TCEA2: variants seen among roughly 807,000 people sequenced by gnomAD.
TCEA2 encodes the protein transcription elongation factor A2.
Under a neutral mutation model 40.8 loss-of-function variants are expected in TCEA2, and 21 were observed. That is an observed-to-expected ratio of 0.51 (90% CI 0.36 to 0.74). The LOEUF is 0.74. Among genes scored for constraint, TCEA2 ranks in the 30% least tolerant of loss-of-function variants. The pLI is 0.00. For synonymous variants in TCEA2, 165 were observed against 162.7 expected (o/e 1.01, Z -0.11); for missense variants, 326 against 426.5 (o/e 0.76, Z 2.08).
In TCEA2 at chr20:64,070,126, T is replaced by C; in HGVS notation, c.518-134T>C. ...CAGCCCTTCACCTCTCCACCAGGTG[T>C]GGGTGGGCAGACCGACCCCTGTGTG... On this transcript the variant is annotated intron_variant, in intron 6 of 9. Transcript: ENST00000343484. 3.8e-6 allele frequency: 5 copies of C among 1,326,962 alleles called. No individual in the cohort carries two copies. In the South Asian group the frequency reaches 6.6e-5, roughly 18 times the overall value. The allele number at this position is 1,326,962 out of a possible 1,614,324, so 82.2% of individuals were successfully genotyped here.
At chr20:64,059,925 C>G (rs2059530121), upstream of TCEA2, among the ~76,000 whole-genome samples, 1 of 152,124 alleles carries the variant, frequency 6.6e-6, no homozygotes. Flanking sequence ...AGGGAGAAAT[C>G]AGGTGGGGAG....
intron 4 of TCEA2, among the ~76,000 whole-genome samples, 154 bp downstream of exon 4, chr20:64,068,288 C>G (rs2059743648): frequency 2.0e-5 from 3 of 152,238 alleles, no homozygotes; most frequent in African/African-American, 7.2e-5. Context: ...TGTGGTGTGT[C>G]CCGCCTGCAC....
rs772824336 is a variant in TCEA2 at position 64,069,851 on chromosome 20, G to C, written c.517+30G>C. On this transcript the variant is annotated intron_variant, in intron 6 of 9. Coordinates refer to ENST00000343484, the MANE Select transcript of TCEA2 (RefSeq NM_003195.6). ...CCTTTGGGTAGGGGCTGTGGGCCTG[G>C]GTTTCTGGTGGAGTCAGGAGGCTGC... 4.3e-6 allele frequency: 7 copies of C among 1,609,764 alleles called. No individual in the cohort carries two copies. In the Admixed American group the frequency reaches 1.2e-4, roughly 27 times the overall value.
At chr20:64,061,005 T>C (rs1030183406), upstream of TCEA2, among the ~76,000 whole-genome samples, 16 of 151,044 alleles carry the variant, frequency 1.1e-4, no homozygotes, top group African/African-American at 3.9e-4. Flanking sequence ...TTCACCCTGT[T>C]GCCCAGGCTG....
chr20:64,066,637 C>A (rs2059701179), intron 2 of TCEA2, 99 bp downstream of exon 2: 2 of 1,393,736 alleles, frequency 1.4e-6, no homozygotes, highest in Admixed American at 1.9e-5. Flanking sequence ...ACCCTCCCCA[C>A]CAGGCCTTAG....
chr20:64,061,857 T>C (rs1254842455), upstream of TCEA2, among the ~76,000 whole-genome samples: 1 of 152,080 alleles, frequency 6.6e-6, no homozygotes, highest in East Asian at 1.9e-4. Context: ...GCCTCCCAAG[T>C]AGCTGAGATT....
rs998658934 is a variant in TCEA2 at position 64,063,252 on chromosome 20, G to A, written c.-61G>A. ...GTGGGAGGTGGCGACGGCCGGGGCC[G>A]GGGTCCTGCCCGGCTGCGGAGGCGG... On this transcript the variant is annotated 5_prime_UTR_variant, in exon 1 of 10. Transcript: ENST00000343484. The A allele has an allele frequency of 1.4e-6, 2 of 1,437,948 alleles. No individual in the cohort carries two copies. The highest frequency in any genetic ancestry group is 1.8e-6 in the Non-Finnish European group (2 of 1,092,574). The allele number at this position is 1,437,948 out of a possible 1,614,324, so 89.1% of individuals were successfully genotyped here. A position where few individuals can be genotyped will look rare whatever the true frequency, so the allele number is the denominator to read the frequency against.
intron 1 of TCEA2, among the ~76,000 whole-genome samples, chr20:64,057,899 G>A (rs1223517428): frequency 6.6e-6 from 1 of 152,174 alleles, no homozygotes; most frequent in Non-Finnish European, 1.5e-5. Context: ...GGGCTTGGGG[G>A]TGGGGTGGTG....
chr20:64,068,417 C>T (rs1250926995), intron 4 of TCEA2, among the ~76,000 whole-genome samples: 1 of 152,234 alleles, frequency 6.6e-6, no homozygotes, highest in East Asian at 1.9e-4. Flanking sequence ...CTGGCCTCTT[C>T]CCCCAAGGCC....
At position 64,063,348 on chromosome 20, in the gene TCEA2, C is replaced by T. The variant is rs748316892; in HGVS notation, c.36C>T (p.Ala12=). 8 of 1,549,740 alleles carry T rather than the reference C, an allele frequency of 5.2e-6. No homozygotes were observed. In the East Asian group the frequency reaches 1.9e-4, roughly 38 times the overall value. ...AGGAAGAGGAGATTGCGCGGATCGC[C>T]CGGAGGCTGGACAAGATGGTGACCA... The part of the protein sequence containing the change: ...MGKEEEIARI[A]RRLDKMVTKK... Residue 12 remains alanine, a synonymous_variant, in exon 1 of 10, where the codon GCC becomes GCT. Coordinates refer to ENST00000343484, the MANE Select transcript of TCEA2 (RefSeq NM_003195.6).
rs1305423854 is a variant in TCEA2 at position 64,072,037 on chromosome 20, C to A, written c.891+96C>A. ...GGTCTGTGGTGTGAACTGGGGATGG[C>A]CCTGCCCAACCAGCCTCCTGGGAGT... On this transcript the variant is annotated intron_variant, in intron 9 of 9. Transcript: ENST00000343484. 2.5e-6 allele frequency: 4 copies of A among 1,594,796 alleles called. No individual in the cohort carries two copies. The Admixed American group carries it at 6.8e-5, about 27-fold the overall frequency.
intron 8 of TCEA2, among the ~76,000 whole-genome samples, chr20:64,071,216 C>T (rs374647503): frequency 3.3e-5 from 5 of 151,864 alleles, no homozygotes; most frequent in East Asian, 1.9e-4. Context: ...GGCGTGGTGG[C>T]GCATGCCTGT....
chr20:64,072,317 C>T lies in TCEA2; in HGVS notation c.*137C>T, dbSNP rs1315234220. On this transcript the variant is annotated 3_prime_UTR_variant, in exon 10 of 10. Transcript: ENST00000343484. ...CCTGGATTGCACCTTTCTGCCCTTTCCCCCTCATTATTAAATGTTTCTTTT... is the reference window on the plus strand; with the variant it reads ...CCTGGATTGCACCTTTCTGCCCTTTTCCCCTCATTATTAAATGTTTCTTTT... 3.0e-5 allele frequency: 28 copies of T among 930,840 alleles called. No individual in the cohort carries two copies. Among genetic ancestry groups the T allele is most frequent in the Non-Finnish European group, 3.8e-5 (23 of 608,010 alleles). The allele number at this position is 930,840 out of a possible 1,614,324, so 57.7% of individuals were successfully genotyped here. A position where few individuals can be genotyped will look rare whatever the true frequency, so the allele number is the denominator to read the frequency against.
chr20:64,063,262 C>A lies in TCEA2; in HGVS notation c.-51C>A. 6.7e-7 allele frequency: 1 copy of A among 1,494,702 alleles called. No homozygotes were observed. The highest frequency in any genetic ancestry group is 8.9e-7 in the Non-Finnish European group (1 of 1,123,266). 92.6% of individuals were successfully genotyped at this position (1,494,702 alleles called of 1,614,324 possible). A position where few individuals can be genotyped will look rare whatever the true frequency, so the allele number is the denominator to read the frequency against. ...GCGACGGCCGGGGCCGGGGTCCTGC[C>A]CGGCTGCGGAGGCGGGCGCGACGGG... On this transcript the variant is annotated 5_prime_UTR_variant, in exon 1 of 10. Coordinates refer to ENST00000343484, the MANE Select transcript of TCEA2 (RefSeq NM_003195.6).
chr20:64,056,520 G>A (rs1318498536), upstream of TCEA2, among the ~76,000 whole-genome samples: 1 of 141,020 alleles, frequency 7.1e-6, no homozygotes, highest in African/African-American at 2.7e-5. Context: ...GGCTGCCCAT[G>A]GGGTGGCAGG....
chr20:64,069,547 G>A, intron 5 of TCEA2, 56 bp downstream of exon 5: 1 of 1,589,938 alleles, frequency 6.3e-7, no homozygotes, highest in African/African-American at 1.3e-5. Flanking sequence ...GGGTGGCCCG[G>A]GCCCCTGCCT....
At chr20:64,065,632 A>C (rs2059675114) in intron 1 of TCEA2, 1 of 152,270 alleles carries the variant, frequency 6.6e-6, no homozygotes, top group African/African-American at 2.4e-5. Context: ...CTTGGGGAGC[A>C]CTGAGTTGCC....
At chr20:64,061,091 T>C (rs1187029865), upstream of TCEA2, among the ~76,000 whole-genome samples, 2 of 131,566 alleles carry the variant, frequency 1.5e-5, 1 homozygote, top group African/African-American at 5.6e-5. Flanking sequence ...GCGCCCAGCC[T>C]GAGTCTTTTT....
At chr20:64,069,844 G>C (rs1234048733) in intron 6 of TCEA2, 23 bp downstream of exon 6, 2 of 1,611,504 alleles carry the variant, frequency 1.2e-6, no homozygotes, top group Non-Finnish European at 1.7e-6. Flanking sequence ...TAGGGGCTGT[G>C]GGCCTGGGTT....
Sources: allele counts gnomAD v4.1 joint callset (sites outside exome capture counted in the v4.1 genomes callset), GRCh38; gene constraint gnomAD v4.1.1; transcripts MANE v1.5; gene names NCBI Gene and HGNC (gene_info 2026-07-23, HGNC 2026-07-21).